Variants in MYPN observed in about 807,000 individuals in gnomAD.
MYPN encodes sarcomeric protein myopalladin, 145 kDa (MYOP).
Under a neutral mutation model 129.4 loss-of-function variants are expected in MYPN, and 63 were observed. The ratio of observed to expected loss-of-function variants is 0.49; its 90% CI spans 0.40 to 0.60. The LOEUF is 0.60. Ranked by LOEUF, MYPN falls within the 20% of genes least tolerant of loss-of-function variation. The pLI is 0.00. For missense variants in MYPN, 1,596 were observed against 1,635.4 expected, an observed-to-expected ratio of 0.98 and a Z score of 0.42; for synonymous variants, 629 against 600.9, an observed-to-expected ratio of 1.05 and a Z score of -0.68.
chr10:68,117,895 T>A (rs1000583637), intron 1 of MYPN, among the ~76,000 whole-genome samples: 154 of 152,054 alleles, frequency 1.0e-3, no homozygotes, highest in African/African-American at 3.5e-3. Context: ...CTACTACTAT[T>A]ATATCTGTTT....
chr10:68,174,017 C>G (rs1258349175), intron 10 of MYPN, 49 bp from the exon 11 acceptor site: 1 of 1,407,694 alleles, frequency 7.1e-7, no homozygotes, highest in Admixed American at 1.7e-5. Context: ...AAGGTGAGGC[C>G]AATAATAACA....
chr10:68,131,789 A>G (rs149100320), intron 2 of MYPN, among the ~76,000 whole-genome samples: 5 of 152,290 alleles, frequency 3.3e-5, no homozygotes, highest in South Asian at 2.1e-4. Flanking sequence ...TAATGCTATT[A>G]TTATTTTTTA....
At position 68,158,475 on chromosome 10, in the gene MYPN, TATC is replaced by T; in HGVS notation, c.1318-8_1318-6del. 6.2e-7 allele frequency: 1 copy of T among 1,613,102 alleles called. No homozygotes were observed. Among genetic ancestry groups the T allele is most frequent in the Non-Finnish European group, 8.5e-7 (1 of 1,179,144 alleles). On this transcript the variant is annotated splice_polypyrimidine_tract_variant and splice_region_variant and intron_variant, in intron 6 of 19. Coordinates refer to ENST00000358913, the MANE Select transcript of MYPN (RefSeq NM_032578.4). Reference sequence around the variant, plus strand: ...TTTTTTGTTCTAACTACATTCTTCTTATCATTATAGATGCTACAAAATTTGTCA... The same window carrying T: ...TTTTTTGTTCTAACTACATTCTTCTTATTATAGATGCTACAAAATTTGTCA...
chr10:68,206,749 A>T, intron 18 of MYPN, 21 bp from the exon 19 acceptor site: 1 of 1,613,966 alleles, frequency 6.2e-7, no homozygotes, highest in Non-Finnish European at 8.5e-7. Flanking sequence ...AAATATAGGT[A>T]TATTCTCTCT....
chr10:68,105,127 T>A (rs2042002445), upstream of MYPN, among the ~76,000 whole-genome samples: 1 of 152,160 alleles, frequency 6.6e-6, no homozygotes, highest in South Asian at 2.1e-4. Context: ...TTCACAAATA[T>A]GTTGGAAATA....
chr10:68,201,885 C>T lies in MYPN; in HGVS notation c.3550C>T (p.Pro1184Ser), dbSNP rs950898509. 1.2e-6 allele frequency: 2 copies of T among 1,613,992 alleles called. No homozygotes were observed. Among genetic ancestry groups the T allele is most frequent in the African/African-American group, 1.3e-5 (1 of 74,898 alleles). The change falls in exon 18 of 20, where the codon CCC becomes TCC. Residue 1184 changes from proline (P) to serine (S), a missense_variant. Coordinates refer to ENST00000358913, the MANE Select transcript of MYPN (RefSeq NM_032578.4). ...GGAGAAACTACAGAACTGCGGTGTT[C>T]CCGAAGGCCACCCCGTGAGACTGGA... ...ILEKLQNCGVPEGHPVRLECR... is the reference protein window; with the variant it reads ...ILEKLQNCGVSEGHPVRLECR...
intron 12 of MYPN, 144 bp downstream of exon 12, chr10:68,175,605 A>C: frequency 1.1e-6 from 1 of 888,302 alleles, no homozygotes; most frequent in East Asian, 2.6e-5. Context: ...ACCAAAGGTC[A>C]TGTGAGAAAC....
intron 12 of MYPN, among the ~76,000 whole-genome samples, chr10:68,177,109 T>C (rs2043239044): frequency 6.6e-6 from 1 of 152,202 alleles, no homozygotes; most frequent in Non-Finnish European, 1.5e-5. Flanking sequence ...TGTAGGTAGA[T>C]CCAGGATACC....
At chr10:68,144,847 C>T (rs2042635664) in intron 3 of MYPN, among the ~76,000 whole-genome samples, 1 of 152,126 alleles carries the variant, frequency 6.6e-6, no homozygotes, top group South Asian at 2.1e-4. Flanking sequence ...AAATACTGCT[C>T]TGTTAGGCCA....
chr10:68,177,920 T>A (rs530075179), intron 12 of MYPN, among the ~76,000 whole-genome samples: 1 of 152,218 alleles, frequency 6.6e-6, no homozygotes, highest in Non-Finnish European at 1.5e-5. Context: ...TACACTGTCC[T>A]AGAACATTTG....
chr10:68,090,380 GT>G (rs2041925382), intron 1 of MYPN, among the ~76,000 whole-genome samples: 1 of 152,058 alleles, frequency 6.6e-6, no homozygotes, highest in South Asian at 2.1e-4. Context: ...GGTCAGGCTG[GT>G]TTCGAACTCC....
intron 12 of MYPN, among the ~76,000 whole-genome samples, chr10:68,176,255 A>G (rs894354644): frequency 2.0e-5 from 3 of 152,234 alleles, no homozygotes; most frequent in African/African-American, 4.8e-5. Context: ...GCCACCTGTG[A>G]GCATCATTCA....
intron 12 of MYPN, among the ~76,000 whole-genome samples, chr10:68,188,055 G>GA (rs1487752784): frequency 6.7e-6 from 1 of 150,060 alleles, no homozygotes; most frequent in Non-Finnish European, 1.5e-5. Context: ...TTGTTGTGAG[G>GA]GGGGCAGAGA....
chr10:68,165,781 C>A lies in MYPN; in HGVS notation c.1563C>A (p.Tyr521Ter). ...TCACATGTACTGCAAGCAACAAATACGGCACAGTGTCAAGCATTGCACAGC... is the reference window on the plus strand; with the variant it reads ...TCACATGTACTGCAAGCAACAAATAAGGCACAGTGTCAAGCATTGCACAGC... ...GCFTCTASNK[Y>*]GTVSSIAQLH... is the part of the protein sequence containing the mutation. The change falls in exon 9 of 20, where the codon TAC becomes TAA. Residue 521 changes from tyrosine (Y) to a stop codon, truncating the protein, a stop_gained. Transcript: ENST00000358913. LOFTEE classifies it high-confidence loss of function. 2 of 1,614,106 alleles carry A rather than the reference C, an allele frequency of 1.2e-6. No homozygotes were observed. Among genetic ancestry groups the A allele is most frequent in the East Asian group, 2.2e-5 (1 of 44,884 alleles).
intron 18 of MYPN, among the ~76,000 whole-genome samples, chr10:68,202,249 A>T (rs912487074): frequency 1.3e-5 from 2 of 152,148 alleles, no homozygotes; most frequent in East Asian, 3.9e-4. Context: ...TGGCTAACAT[A>T]GTGAAACCCT....
At chr10:68,174,686 G>T (rs1208687752) in intron 11 of MYPN, 30 bp downstream of exon 11, 1 of 1,602,508 alleles carries the variant, frequency 6.2e-7, no homozygotes. Flanking sequence ...CTTGATGTAA[G>T]ATGCTAGTTA....
Position 68,121,668 on chromosome 10 carries a change from A to G in MYPN, c.230A>G (p.Asn77Ser), listed in dbSNP as rs747347778. Residue 77 changes from asparagine (N) to serine (S), a missense_variant, in exon 2 of 20, where the codon AAT (asparagine) becomes AGT (serine). By Grantham distance (46) the Asn-to-Ser change is conservative. Transcript: ENST00000358913. ...LSQEELDESV[N>S]LARLAINYDP... ...CAAGAAGAATTAGACGAAAGTGTCA[A>G]TTTGGCAAGACTGGCCATCAATTAC... The G allele has an allele frequency of 2.5e-6, 4 of 1,614,228 alleles. No individual in the cohort carries two copies. The highest frequency in any genetic ancestry group is 2.2e-5 in the East Asian group (1 of 44,880).
chr10:68,167,663 C>T (rs1385879721), intron 10 of MYPN, among the ~76,000 whole-genome samples: 5 of 152,168 alleles, frequency 3.3e-5, no homozygotes, highest in African/African-American at 1.2e-4. Flanking sequence ...CTGTGTGTTG[C>T]TCATCACCAT....
intron 12 of MYPN, among the ~76,000 whole-genome samples, chr10:68,179,965 T>C (rs2043288825): frequency 6.6e-6 from 1 of 152,260 alleles, no homozygotes. Context: ...AATAATTCTT[T>C]ATTCTTAAGT....
Sources: gnomAD v4.1 joint callset for allele counts (sites outside exome capture counted in the v4.1 genomes callset) on GRCh38, gnomAD v4.1.1 for gene constraint, MANE v1.5 for transcripts, NCBI Gene and HGNC (gene_info 2026-07-23, HGNC 2026-07-21) for gene names.